Variants in HOOK3 observed in about 807,000 individuals in gnomAD.
HOOK3 encodes hook microtubule tethering protein 3.
A neutral mutation model predicts 116.3 loss-of-function variants in HOOK3; 24 were observed. That is an observed-to-expected ratio of 0.21 (90% CI 0.15 to 0.29). The LOEUF (loss-of-function observed/expected upper bound fraction) is 0.29. Among genes scored for constraint, HOOK3 ranks in the 10% least tolerant of loss-of-function variants. HOOK3 has a pLI of 1.00. For synonymous variants in HOOK3, 275 were observed against 283.0 expected (o/e 0.97, Z 0.28); for missense variants, 632 against 830.2 (o/e 0.76, Z 2.93).
At chr8:42,953,391 C>T (rs532941972) in intron 6 of HOOK3, among the ~76,000 whole-genome samples, 3 of 151,738 alleles carry the variant, frequency 2.0e-5, no homozygotes, top group South Asian at 2.1e-4. Flanking sequence ...CAGTGAAACC[C>T]TGTCTGTACT....
rs993953121 is a variant in HOOK3, at chr8:43,029,136, A to G, written c.*10638A>G. On this transcript the variant is annotated 3_prime_UTR_variant, in exon 22 of 22. Coordinates refer to ENST00000307602, the MANE Select transcript of HOOK3 (RefSeq NM_032410.4). ...GATTTGGGGCCTTTTAATGTCTTTA[A>G]CAGCAATCTTTTATTTATTTATTTA... 1.7e-5 allele frequency: 3 copies of G among 178,982 alleles called. No individual in the cohort carries two copies. Among genetic ancestry groups the G allele is most frequent in the African/African-American group, 7.1e-5 (3 of 42,316 alleles). 11.1% of individuals were successfully genotyped at this position (178,982 alleles called of 1,614,324 possible).
chr8:42,918,543 T>A (rs556457802), intron 2 of HOOK3, among the ~76,000 whole-genome samples: 5 of 152,094 alleles, frequency 3.3e-5, no homozygotes, highest in Admixed American at 3.3e-4. Context: ...TGAACAAAGG[T>A]CTCTGGTTTT....
At chr8:42,932,346 TA>T (rs142154035) in intron 4 of HOOK3, among the ~76,000 whole-genome samples, 7,181 of 150,618 alleles carry the variant, frequency 0.048, 333 homozygotes, top group African/African-American at 0.12. Context: ...GCCTATTACA[TA>T]AAAAAAAAGT....
At chr8:42,975,589 G>A (rs1222731856) in intron 13 of HOOK3, among the ~76,000 whole-genome samples, 5 of 152,200 alleles carry the variant, frequency 3.3e-5, no homozygotes, top group Non-Finnish European at 7.3e-5. Flanking sequence ...GCTTTATCAA[G>A]CCCATGAAAA....
intron 8 of HOOK3, among the ~76,000 whole-genome samples, chr8:42,959,930 G>A (rs1252363486): frequency 1.3e-5 from 2 of 152,042 alleles, no homozygotes; most frequent in African/African-American, 4.8e-5. Flanking sequence ...CTTGGTAATA[G>A]AAGAGGCATT....
At chr8:43,004,409 G>A (rs1370869938) in intron 17 of HOOK3, among the ~76,000 whole-genome samples, 2 of 148,804 alleles carry the variant, frequency 1.3e-5, no homozygotes, top group East Asian at 2.0e-4. Flanking sequence ...AGTCAGGTGC[G>A]GTGGCTCACA....
chr8:42,963,826 A>G (rs1170172560), intron 8 of HOOK3, among the ~76,000 whole-genome samples: 3 of 152,178 alleles, frequency 2.0e-5, no homozygotes, highest in Non-Finnish European at 4.4e-5. Context: ...ATAAGAATGA[A>G]TTGTTACTCT....
chr8:42,966,637 C>G lies in HOOK3; in HGVS notation c.920+24C>G, dbSNP rs777005129. 3.7e-6 allele frequency: 6 copies of G among 1,610,962 alleles called. No individual in the cohort carries two copies. In the South Asian group the frequency reaches 6.6e-5, roughly 18 times the overall value. Reference sequence around the variant, plus strand: ...AGGTAAAAACCTCACCTTCACCGCCCAGCACAGTTTGGCTCTGGTGTTAGA... The same window carrying G: ...AGGTAAAAACCTCACCTTCACCGCCGAGCACAGTTTGGCTCTGGTGTTAGA... On this transcript the variant is annotated intron_variant, in intron 10 of 21. Transcript: ENST00000307602.
At chr8:43,010,146 A>G (rs1472464734) in intron 18 of HOOK3, among the ~76,000 whole-genome samples, 159 bp from the exon 19 acceptor site, 1 of 150,110 alleles carries the variant, frequency 6.7e-6, no homozygotes, top group African/African-American at 2.4e-5. Context: ...AAATAAAATT[A>G]TGTGTAAAAA....
In HOOK3 at chr8:42,915,065, A is replaced by G. The variant is rs1017743598; in HGVS notation, c.143+8807A>G. ...ATACTAGGGAAGTTTAATTCCTTCT[A>G]ATTTTCCCTAGATAAGGAGTTTTGC... On this transcript the variant is annotated intron_variant, in intron 2 of 21. Coordinates refer to ENST00000307602, the MANE Select transcript of HOOK3 (RefSeq NM_032410.4). Among the ~76,000 whole-genome samples the G allele has an allele frequency of 3.9e-5, 6 of 152,248 alleles. No homozygotes were observed. In the East Asian group the frequency reaches 5.8e-4, roughly 15 times the overall value.
In HOOK3 at chr8:43,028,316, A is replaced by ACTG. The variant is rs902592969; in HGVS notation, c.*9820_*9822dup. The ACTG allele has an allele frequency of 5.4e-6, 1 of 183,698 alleles. No homozygotes were observed. Among genetic ancestry groups the ACTG allele is most frequent in the Non-Finnish European group, 1.2e-5 (1 of 86,592 alleles). 11.4% of individuals were successfully genotyped at this position (183,698 alleles called of 1,614,324 possible). On this transcript the variant is annotated 3_prime_UTR_variant, in exon 22 of 22. Coordinates refer to ENST00000307602, the MANE Select transcript of HOOK3 (RefSeq NM_032410.4). ...CTGCAGTAAGGTCTGATCACACCTG[A>ACTG]CTGCACTCCAGCCTGGGTGGCAAAG...
rs781455902 is a variant in HOOK3, at chr8:42,897,154, A to G, written c.23A>G (p.Glu8Gly). 3 of 1,246,378 alleles carry G rather than the reference A, an allele frequency of 2.4e-6. No individual in the cohort carries two copies. The Admixed American group carries it at 1.2e-4, about 51-fold the overall frequency. The allele number at this position is 1,246,378 out of a possible 1,614,324, so 77.2% of individuals were successfully genotyped here. Residue 8 changes from glutamate (E) to glycine (G), a missense_variant, in exon 1 of 22, where the codon GAG (glutamate) becomes GGG (glycine). By Grantham distance (98) the Glu-to-Gly change is moderately conservative. Transcript: ENST00000307602. ...AAGATGTTCAGCGTAGAGTCGCTGG[A>G]GCGGGCGGAGCTGTGCGAGAGCCTC... MFSVESL[E>G]RAELCESLLT... is the part of the protein sequence containing the mutation.
At chr8:42,907,554 C>T (rs1000226202) in intron 2 of HOOK3, among the ~76,000 whole-genome samples, 3 of 152,002 alleles carry the variant, frequency 2.0e-5, no homozygotes, top group Non-Finnish European at 4.4e-5. Context: ...TTTTAGCTTT[C>T]CCATTGTCTA....
At position 43,025,307 on chromosome 8, in the gene HOOK3, A is replaced by C. The variant is rs1586640161; in HGVS notation, c.*6809A>C. ...CGGTTTGCATGCTGTGTGTGTTTGC[A>C]TGAGTATAGAAACCTAAGAACATAA... is the stretch of plus-strand genomic sequence containing the variant. On this transcript the variant is annotated 3_prime_UTR_variant, in exon 22 of 22. Coordinates refer to ENST00000307602, the MANE Select transcript of HOOK3 (RefSeq NM_032410.4). The C allele has an allele frequency of 4.8e-6, 1 of 210,306 alleles. No homozygotes were observed. Among genetic ancestry groups the C allele is most frequent in the Non-Finnish European group, 9.7e-6 (1 of 103,490 alleles). 13.0% of individuals were successfully genotyped at this position (210,306 alleles called of 1,614,324 possible).
Position 43,021,505 on chromosome 8 carries a change from G to A in HOOK3, c.*3007G>A. The A allele has an allele frequency of 1.2e-5, 2 of 171,650 alleles. No individual in the cohort carries two copies. Among genetic ancestry groups the A allele is most frequent in the East Asian group, 1.1e-4 (1 of 9,370 alleles). 10.6% of individuals were successfully genotyped at this position (171,650 alleles called of 1,614,324 possible). On this transcript the variant is annotated 3_prime_UTR_variant, in exon 22 of 22. Coordinates refer to ENST00000307602, the MANE Select transcript of HOOK3 (RefSeq NM_032410.4). ...TTTAGTAGAGATGGTGTTTCACCAT[G>A]TTGGCCAGGCTGGTCTCAAACTCCT...
At chr8:42,944,750 CG>C (rs1808193654) in intron 5 of HOOK3, among the ~76,000 whole-genome samples, 1 of 151,944 alleles carries the variant, frequency 6.6e-6, no homozygotes, top group Non-Finnish European at 1.5e-5. Context: ...ACCTGGGAGG[CG>C]GAGGTTGCAT....
chr8:42,906,819 G>A (rs1807320864), intron 2 of HOOK3, among the ~76,000 whole-genome samples: 1 of 152,130 alleles, frequency 6.6e-6, no homozygotes, highest in Admixed American at 6.6e-5. Context: ...TTTCACTGTT[G>A]TATCCAAGCA....
At chr8:42,939,669 G>T (rs1430699700) in intron 4 of HOOK3, among the ~76,000 whole-genome samples, 1 of 149,170 alleles carries the variant, frequency 6.7e-6, no homozygotes, top group Non-Finnish European at 1.5e-5. Context: ...GGGCAGAGAC[G>T]CTCCTCACTC....
chr8:42,963,134 C>T (rs1808567478), intron 8 of HOOK3, among the ~76,000 whole-genome samples: 1 of 151,944 alleles, frequency 6.6e-6, no homozygotes, highest in Admixed American at 6.6e-5. Flanking sequence ...TTTTGAGATT[C>T]ATCTATGTTG....
Sources: allele counts gnomAD v4.1 joint callset (sites outside exome capture counted in the v4.1 genomes callset), GRCh38; gene constraint gnomAD v4.1.1; transcripts MANE v1.5; gene names NCBI Gene and HGNC (gene_info 2026-07-23, HGNC 2026-07-21).